Variants in MARCHF1 observed in about 807,000 individuals in gnomAD.
MARCHF1 encodes the protein E3 ubiquitin-protein ligase MARCHF1.
Under a neutral mutation model 54.2 loss-of-function variants are expected in MARCHF1, and 40 were observed. That is an observed-to-expected ratio of 0.74 (90% CI 0.57 to 0.96). MARCHF1 has a LOEUF of 0.96. MARCHF1 is among the 40% of genes least tolerant of loss of function. The pLI, the probability that MARCHF1 is intolerant of heterozygous loss-of-function variation, is 0.00. For synonymous variants in MARCHF1, 236 were observed against 236.3 expected, an observed-to-expected ratio of 1.00 and a Z score of 0.01; for missense variants, 586 against 656.5, an observed-to-expected ratio of 0.89 and a Z score of 1.17.
chr4:163,988,378 T>C (rs1372321079), intron 3 of MARCHF1, 123 bp downstream of exon 3: 2 of 152,226 alleles, frequency 1.3e-5, no homozygotes, highest in African/African-American at 2.4e-5. Context: ...TCCAATCTAC[T>C]GTTACACACT....
chr4:163,557,015 G>T (rs536598455), intron 8 of MARCHF1, among the ~76,000 whole-genome samples: 47 of 151,976 alleles, frequency 3.1e-4, no homozygotes, highest in African/African-American at 1.1e-3. Flanking sequence ...CAAAGAAATC[G>T]GAGACATTTT....
intron 5 of MARCHF1, among the ~76,000 whole-genome samples, chr4:163,692,913 G>T (rs186617592): frequency 1.3e-5 from 2 of 151,422 alleles, no homozygotes; most frequent in Admixed American, 1.3e-4. Flanking sequence ...CTGGCATGTG[G>T]TATGAGGCTA....
chr4:163,949,923 C>T (rs986203022), intron 3 of MARCHF1, among the ~76,000 whole-genome samples: 2 of 152,166 alleles, frequency 1.3e-5, no homozygotes, highest in Admixed American at 6.5e-5. Flanking sequence ...GGAGACCCAA[C>T]GTGGGTACCC....
chr4:163,953,180 C>T (rs548056558), intron 3 of MARCHF1, among the ~76,000 whole-genome samples: 9 of 152,204 alleles, frequency 5.9e-5, no homozygotes, highest in East Asian at 1.9e-4. Flanking sequence ...TTATTTGTGA[C>T]GGTCTCCCTC....
intron 8 of MARCHF1, among the ~76,000 whole-genome samples, chr4:163,580,301 G>C (rs953401700): frequency 6.6e-6 from 1 of 151,770 alleles, no homozygotes; most frequent in African/African-American, 2.4e-5. Context: ...GCTGGTCTCG[G>C]TCTCCTGACC....
chr4:164,197,489 C>T, intron 1 of MARCHF1: 1 of 1,613,564 alleles, frequency 6.2e-7, no homozygotes, highest in South Asian at 1.1e-5. Flanking sequence ...ACTTCCAGGC[C>T]CCCTGAGACT....
At chr4:164,163,191 C>G (rs115728204) in intron 1 of MARCHF1, among the ~76,000 whole-genome samples, 1,731 of 151,752 alleles carry the variant, frequency 0.011, 32 homozygotes, top group African/African-American at 0.04. Flanking sequence ...AACTAAAATG[C>G]AAGCAAAATG....
chr4:164,288,346 T>C (rs889082435), intron 1 of MARCHF1, among the ~76,000 whole-genome samples: 16 of 152,226 alleles, frequency 1.1e-4, no homozygotes, highest in African/African-American at 3.6e-4. Flanking sequence ...AGGGAATCCA[T>C]TGAAATTAAT....
intron 3 of MARCHF1, among the ~76,000 whole-genome samples, chr4:163,942,780 C>CA (rs140275020): frequency 0.019 from 2,823 of 151,886 alleles, 47 homozygotes; most frequent in South Asian, 0.046. Flanking sequence ...TTCTGTTGGA[C>CA]AAAAAAAGTC....
intron 4 of MARCHF1, among the ~76,000 whole-genome samples, chr4:163,834,725 C>T (rs1451878265): frequency 2.0e-5 from 3 of 151,518 alleles, no homozygotes. Flanking sequence ...CATATTCTCA[C>T]TCATAGGTGG....
chr4:163,910,072 T>C (rs1440143319), intron 3 of MARCHF1, among the ~76,000 whole-genome samples: 1 of 150,138 alleles, frequency 6.7e-6, no homozygotes, highest in Non-Finnish European at 1.5e-5. Flanking sequence ...TATTTTACAA[T>C]ATTCGAAGCA....
intron 2 of MARCHF1, among the ~76,000 whole-genome samples, chr4:163,992,541 T>C (rs899123651): frequency 1.3e-5 from 2 of 151,850 alleles, no homozygotes; most frequent in African/African-American, 4.8e-5. Context: ...TTAAATCATT[T>C]CAAGGCGTAG....
At chr4:164,030,335 C>T (rs1260641666) in intron 2 of MARCHF1, among the ~76,000 whole-genome samples, 1 of 151,940 alleles carries the variant, frequency 6.6e-6, no homozygotes, top group African/African-American at 2.4e-5. Flanking sequence ...TGTCTTTTAA[C>T]ATTCAAAAAT....
At chr4:164,162,203 T>C (rs1275264907) in intron 1 of MARCHF1, among the ~76,000 whole-genome samples, 1 of 152,032 alleles carries the variant, frequency 6.6e-6, no homozygotes, top group Non-Finnish European at 1.5e-5. Flanking sequence ...AATTACCAAA[T>C]AGATTTGATA....
Position 163,722,224 on chromosome 4 carries a change from GC to G in MARCHF1, c.112-21362del, listed in dbSNP as rs527941106. 2.5e-4 allele frequency among the ~76,000 whole-genome samples: 38 copies of G among 152,066 alleles called. No individual in the cohort carries two copies. In the East Asian group the frequency reaches 6.8e-3, roughly 27 times the overall value. On this transcript the variant is annotated intron_variant, in intron 4 of 9. Transcript: ENST00000514618. ...AAATGTGTCCCAGAGATTCTGGTAT[GC>G]TGTGTCTTTGTTCTCATTGGTTTCA...
At chr4:163,550,511 T>TCC (rs1560936539) in intron 8 of MARCHF1, among the ~76,000 whole-genome samples, 1 of 127,444 alleles carries the variant, frequency 7.8e-6, no homozygotes, top group East Asian at 2.3e-4. Flanking sequence ...GTAGCCCTTT[T>TCC]TTTTTTTTTT....
intron 4 of MARCHF1, among the ~76,000 whole-genome samples, chr4:163,770,520 G>C (rs1747123434): frequency 8.2e-6 from 1 of 121,872 alleles, no homozygotes; most frequent in African/African-American, 3.5e-5. Flanking sequence ...TTCCCTCACT[G>C]AACACACACA....
At chr4:163,863,138 A>C (rs1363466578) in intron 3 of MARCHF1, among the ~76,000 whole-genome samples, 1 of 152,050 alleles carries the variant, frequency 6.6e-6, no homozygotes, top group Non-Finnish European at 1.5e-5. Flanking sequence ...CACAAAGTGT[A>C]AACCTTAATG....
chr4:163,759,093 C>A (rs1746758741), intron 4 of MARCHF1, among the ~76,000 whole-genome samples: 1 of 150,628 alleles, frequency 6.6e-6, no homozygotes, highest in African/African-American at 2.5e-5. Context: ...TCTTTTAGAG[C>A]TCATTAATAT....
Sources: allele counts gnomAD v4.1 joint callset (sites outside exome capture counted in the v4.1 genomes callset), GRCh38; gene constraint gnomAD v4.1.1; transcripts MANE v1.5; gene names NCBI Gene and HGNC (gene_info 2026-07-23, HGNC 2026-07-21).